Variants in RGPD4 observed in about 807,000 individuals in gnomAD.
The protein encoded by RGPD4 is RANBP2 like and GRIP domain containing 4.
In RGPD4, 84 loss-of-function variants were observed where a neutral mutation model predicts 141.1. The observed-to-expected ratio is 0.60, with a 90% confidence interval of 0.50 to 0.71. RGPD4 has a LOEUF of 0.71. RGPD4 is among the 30% of genes least tolerant of loss of function. The pLI, the probability that RGPD4 is intolerant of heterozygous loss-of-function variation, is 0.00. For synonymous variants in RGPD4, 298 were observed against 566.8 expected (o/e 0.53, Z 6.74); for missense variants, 918 against 1,622.4 (o/e 0.57, Z 7.46).
At chr2:107,829,593 G>A (rs1222752520) in intron 1 of RGPD4, among the ~76,000 whole-genome samples, 1 of 150,168 alleles carries the variant, frequency 6.7e-6, no homozygotes, top group Non-Finnish European at 1.5e-5. Context: ...CTCCCGACGG[G>A]CGCTGCTCCC....
intron 22 of RGPD4, among the ~76,000 whole-genome samples, chr2:107,888,646 G>A (rs1675573195): frequency 6.7e-6 from 1 of 148,852 alleles, no homozygotes; most frequent in Non-Finnish European, 1.5e-5. Context: ...TTAACCAGTA[G>A]AATACAGCAA....
rs58305715 is a variant in RGPD4, at chr2:107,880,259, C to CTTTTTT, written c.5064+171_5064+176dup. Among the ~76,000 whole-genome samples the CTTTTTT allele has an allele frequency of 2.9e-3, 138 of 48,178 alleles. 7 individuals are homozygous for CTTTTTT. The highest frequency in any genetic ancestry group is 3.9e-3 in the South Asian group (3 of 774). The allele number at this position is 48,178 out of a possible 152,430, so 31.6% of individuals were successfully genotyped here. The stretch of plus-strand genomic sequence containing the variant: ...GATTCCTGATGGTGAGAAATATTGC[C>CTTTTTT]TTTTTTTTTTTTTTTTTTTTTTTTG... On this transcript the variant is annotated intron_variant, in intron 21 of 22. Transcript: ENST00000408999.
chr2:107,886,356 A>T (rs2104521940), intron 22 of RGPD4, among the ~76,000 whole-genome samples: 1 of 98,312 alleles, frequency 1.0e-5, no homozygotes, highest in South Asian at 3.8e-4. Context: ...GCCCCTAAAA[A>T]AGACAGACAG....
At chr2:107,855,446 A>G (rs988487162) in intron 8 of RGPD4, among the ~76,000 whole-genome samples, 1 of 150,630 alleles carries the variant, frequency 6.6e-6, no homozygotes, top group African/African-American at 2.4e-5. Flanking sequence ...TTTTCCTTCT[A>G]CCCTTGCAGG....
chr2:107,876,563 T>C (rs1416887694), intron 20 of RGPD4, among the ~76,000 whole-genome samples: 1 of 151,214 alleles, frequency 6.6e-6, no homozygotes, highest in African/African-American at 2.4e-5. Flanking sequence ...TGCTTTCACA[T>C]TTACAATTAG....
chr2:107,852,294 G>C (rs1490346285), intron 7 of RGPD4, among the ~76,000 whole-genome samples: 5 of 151,678 alleles, frequency 3.3e-5, no homozygotes, highest in Admixed American at 6.6e-5. Flanking sequence ...TGATTTGATT[G>C]AGTGGATTCA....
intron 1 of RGPD4, among the ~76,000 whole-genome samples, chr2:107,833,049 T>C (rs1463235092): frequency 5.3e-5 from 8 of 150,662 alleles, no homozygotes; most frequent in Non-Finnish European, 1.0e-4. Context: ...GGGGAACTCA[T>C]GGTTCAGTAT....
rs753404733 is a variant in RGPD4 at position 107,872,828 on chromosome 2, T to A, written c.4824T>A (p.Ser1608=). 5.8e-4 allele frequency: 939 copies of A among 1,607,836 alleles called. No individual in the cohort carries two copies. The highest frequency in any genetic ancestry group is 7.7e-4 in the Non-Finnish European group (907 of 1,178,706). The change falls in exon 20 of 23, where the codon TCT becomes TCA. Residue 1608 remains serine (S), a synonymous_variant. Coordinates refer to ENST00000408999, the MANE Select transcript of RGPD4 (RefSeq NM_182588.3). ...AAAAATGTGAACTGTCAAAGAACTC[T>A]GATATCGAACAGTCTTCAGATAGCA... ...EPKKCELSKN[S]DIEQSSDSKV... is the part of the protein sequence containing the mutation.
intron 1 of RGPD4, among the ~76,000 whole-genome samples, chr2:107,829,792 C>G (rs1019474513): frequency 2.0e-5 from 3 of 152,212 alleles, no homozygotes; most frequent in Admixed American, 1.3e-4. Flanking sequence ...CGTCCTGGCC[C>G]GGGCTTTCTG....
chr2:107,890,460 A>G (rs1675623774), intron 22 of RGPD4, among the ~76,000 whole-genome samples: 1 of 140,150 alleles, frequency 7.1e-6, no homozygotes, highest in South Asian at 2.5e-4. Context: ...GAGGTGGGAG[A>G]ATCACTTGAG....
chr2:107,857,680 C>T (rs1682373256), intron 9 of RGPD4, among the ~76,000 whole-genome samples: 1 of 151,856 alleles, frequency 6.6e-6, no homozygotes, highest in South Asian at 2.1e-4. Context: ...AGTGATCCTC[C>T]TGCCTAAGCC....
Position 107,872,686 on chromosome 2 carries a change from G to A in RGPD4, c.4682G>A (p.Gly1561Asp), listed in dbSNP as rs765370477. 9 of 1,611,208 alleles carry A rather than the reference G, an allele frequency of 5.6e-6. No individual in the cohort carries two copies. The highest frequency in any genetic ancestry group is 4.4e-5 in the South Asian group (4 of 90,964). Reference sequence around the variant, plus strand: ...GAAAAATCAAAACCATTTGCATTTGGCAACAGTTCTGCCACTGGGTCTTTG... The same window carrying A: ...GAAAAATCAAAACCATTTGCATTTGACAACAGTTCTGCCACTGGGTCTTTG... ...SSEKSKPFAF[G>D]NSSATGSLFG... The change falls in exon 20 of 23, where the codon GGC becomes GAC. Residue 1561 changes from glycine (G) to aspartate (D), a missense_variant. By Grantham distance (94) the Gly-to-Asp change is moderately conservative. Transcript: ENST00000408999.
rs1303670222 is a variant in RGPD4 at position 107,829,721 on chromosome 2, G to A, written c.72+2636G>A. On this transcript the variant is annotated intron_variant, in intron 1 of 22. Transcript: ENST00000408999. Reference sequence around the variant, plus strand: ...CGGGCGGGAGACCTTTGGCGCCGGCGCTTCCTCTTTCTCCCGGCTTGTTCC... The same window carrying A: ...CGGGCGGGAGACCTTTGGCGCCGGCACTTCCTCTTTCTCCCGGCTTGTTCC... 4.6e-5 allele frequency among the ~76,000 whole-genome samples: 7 copies of A among 152,240 alleles called. No homozygotes were observed. The East Asian group carries it at 1.2e-3, about 25-fold the overall frequency.
At chr2:107,846,612 GC>G (rs1249272656) in intron 6 of RGPD4, among the ~76,000 whole-genome samples, 1 of 148,658 alleles carries the variant, frequency 6.7e-6, no homozygotes, top group Non-Finnish European at 1.5e-5. Context: ...AATTACAGGT[GC>G]CCACCACCAC....
chr2:107,874,375 G>A (rs1683029215), intron 20 of RGPD4, among the ~76,000 whole-genome samples: 1 of 148,930 alleles, frequency 6.7e-6, no homozygotes, highest in Non-Finnish European at 1.5e-5. Context: ...TACTAGAGTG[G>A]AACAAGAAGT....
intron 22 of RGPD4, among the ~76,000 whole-genome samples, chr2:107,886,754 C>T (rs1424707515): frequency 1.3e-5 from 2 of 152,036 alleles, no homozygotes; most frequent in Non-Finnish European, 2.9e-5. Flanking sequence ...GAGAGCCACT[C>T]TTCCTGGCAC....
At chr2:107,834,672 A>G (rs1430790757) in intron 1 of RGPD4, among the ~76,000 whole-genome samples, 8 of 149,378 alleles carry the variant, frequency 5.4e-5, no homozygotes, top group African/African-American at 7.5e-5. Context: ...TATGCCAGAG[A>G]GAAGCCATAT....
chr2:107,829,798 T>G (rs975380569), intron 1 of RGPD4, among the ~76,000 whole-genome samples: 1 of 152,038 alleles, frequency 6.6e-6, no homozygotes, highest in African/African-American at 2.4e-5. Flanking sequence ...GGCCCGGGCT[T>G]TCTGGCCCCG....
intron 22 of RGPD4, chr2:107,883,288 C>T (rs1209830522): frequency 1.5e-5 from 6 of 394,346 alleles, no homozygotes; most frequent in Middle Eastern, 8.7e-4. Context: ...TATAGCCCAA[C>T]ACTTGGTCTA....
Sources: allele counts gnomAD v4.1 joint callset (sites outside exome capture counted in the v4.1 genomes callset), GRCh38; gene constraint gnomAD v4.1.1; transcripts MANE v1.5; gene names NCBI Gene and HGNC (gene_info 2026-07-23, HGNC 2026-07-21).